The following USP2 variants were observed in gnomAD, a reference collection of about 807,000 sequenced individuals.
The protein encoded by USP2 is ubiquitin specific peptidase 2, also known as ubiquitin carboxyl-terminal hydrolase 2.
Under a neutral mutation model 72.0 loss-of-function variants are expected in USP2, and 33 were observed. The ratio of observed to expected loss-of-function variants is 0.46; its 90% CI spans 0.35 to 0.61. The LOEUF (loss-of-function observed/expected upper bound fraction) is 0.61, where lower values mean the gene tolerates loss of function less well. Ranked by LOEUF, USP2 falls within the 20% of genes least tolerant of loss-of-function variation. The probability of loss-of-function intolerance (pLI) is 0.01; values close to 1 mark genes in which losing one functional copy is unlikely to be tolerated. For missense variants in USP2, 691 were observed against 797.8 expected, an observed-to-expected ratio of 0.87 and a Z score of 1.61; for synonymous variants, 296 against 312.5, an observed-to-expected ratio of 0.95 and a Z score of 0.56.
chr11:119,381,603 C>T lies in USP2; in HGVS notation c.-172G>A. 1 of 1,502,072 alleles carries T rather than the reference C, an allele frequency of 6.7e-7. No individual in the cohort carries two copies. The highest frequency in any genetic ancestry group is 9.0e-7 in the Non-Finnish European group (1 of 1,116,782). The allele number at this position is 1,502,072 out of a possible 1,614,324, so 93.0% of individuals were successfully genotyped here. A position where few individuals can be genotyped will look rare whatever the true frequency, so the allele number is the denominator to read the frequency against. ...AGGGCTCCCCGGCCTCGGCTCCTGC[C>T]TGACTCTCTCCCACCTCCGCCGGGG... On this transcript the variant is annotated 5_prime_UTR_variant, in exon 1 of 13. Transcript: ENST00000260187.
chr11:119,362,357 G>C (rs1463038706), intron 2 of USP2, among the ~76,000 whole-genome samples: 1 of 152,160 alleles, frequency 6.6e-6, no homozygotes, highest in Non-Finnish European at 1.5e-5. Context: ...CTATTGGCCT[G>C]GGGGGTGGGG....
chr11:119,368,531 A>C (rs1950884951), intron 2 of USP2, among the ~76,000 whole-genome samples: 1 of 152,246 alleles, frequency 6.6e-6, no homozygotes, highest in African/African-American at 2.4e-5. Flanking sequence ...ACATGACCTC[A>C]GCTTATATAA....
intron 2 of USP2, among the ~76,000 whole-genome samples, chr11:119,371,722 A>C (rs1950929405): frequency 6.6e-6 from 1 of 152,138 alleles, no homozygotes. Flanking sequence ...GGGGTACATA[A>C]GGTAATGGAG....
intron 11 of USP2, 44 bp from the exon 12 acceptor site, chr11:119,357,351 C>G (rs200432983): frequency 5.6e-6 from 9 of 1,611,268 alleles, no homozygotes; most frequent in East Asian, 4.5e-5. Flanking sequence ...CCCCCTGCCC[C>G]GACTTCCCCC....
chr11:119,380,447 C>G (rs1029038752), intron 1 of USP2, among the ~76,000 whole-genome samples: 1 of 152,142 alleles, frequency 6.6e-6, no homozygotes, highest in Non-Finnish European at 1.5e-5. Context: ...GGTGGTTCCA[C>G]TCTACCTGTG....
At chr11:119,360,345 T>C (rs1565305372) in intron 2 of USP2, 111 bp from the exon 3 acceptor site, 1 of 1,066,020 alleles carries the variant, frequency 9.4e-7, no homozygotes. Flanking sequence ...AGGCCACACA[T>C]AATATTCTTT....
rs1193681973 is a variant in USP2 at position 119,381,491 on chromosome 11, T to C, written c.-60A>G. 6.5e-7 allele frequency: 1 copy of C among 1,536,048 alleles called. No individual in the cohort carries two copies. Among genetic ancestry groups the C allele is most frequent in the South Asian group, 1.2e-5 (1 of 84,066 alleles). ...CACGTACCTGCCTCTTCTTGGAGTA[T>C]GGACGAGTCGAACCGGGCACAAGCA... On this transcript the variant is annotated 5_prime_UTR_variant, in exon 1 of 13. Transcript: ENST00000260187.
At chr11:119,378,840 G>A (rs776308194) in intron 1 of USP2, among the ~76,000 whole-genome samples, 3 of 152,190 alleles carry the variant, frequency 2.0e-5, no homozygotes, top group Non-Finnish European at 4.4e-5. Flanking sequence ...CTCCTCTAGG[G>A]CGTCATCTTT....
chr11:119,379,380 G>C (rs916130254), intron 1 of USP2: 3,704 of 376,908 alleles, frequency 9.8e-3, no homozygotes, highest in Non-Finnish European at 0.012. Context: ...GGTGGGGGTG[G>C]AACTTGAGAC....
At chr11:119,379,016 G>C (rs1951032280) in intron 1 of USP2, 2 of 985,380 alleles carry the variant, frequency 2.0e-6, no homozygotes, top group African/African-American at 3.5e-5. Context: ...CCTGTGTCCA[G>C]GGGCACTGGA....
intron 1 of USP2, among the ~76,000 whole-genome samples, chr11:119,375,923 T>C (rs1162558632): frequency 2.0e-5 from 3 of 152,190 alleles, no homozygotes; most frequent in Non-Finnish European, 4.4e-5. Context: ...GCCACATCTC[T>C]GGCCCACAGA....
At chr11:119,371,944 G>A (rs1293371052) in intron 2 of USP2, among the ~76,000 whole-genome samples, 3 of 152,110 alleles carry the variant, frequency 2.0e-5, no homozygotes, top group African/African-American at 4.8e-5. Flanking sequence ...CACCTAATGG[G>A]CACACTAATA....
At position 119,355,486 on chromosome 11, in the gene USP2, T is replaced by C. The variant is rs1460269216; in HGVS notation, c.*1349A>G. ...TTACTCTCCAGGACAGCACAGAGTTTTATCCAACTATGTAGGGCAAAATTG... is the reference window on the plus strand; with the variant it reads ...TTACTCTCCAGGACAGCACAGAGTTCTATCCAACTATGTAGGGCAAAATTG... On this transcript the variant is annotated 3_prime_UTR_variant, in exon 13 of 13. Transcript: ENST00000260187. The C allele has an allele frequency of 1.3e-5, 2 of 152,210 alleles. No homozygotes were observed. The highest frequency in any genetic ancestry group is 2.9e-5 in the Non-Finnish European group (2 of 68,062). 9.4% of individuals were successfully genotyped at this position (152,210 alleles called of 1,614,324 possible). A position where few individuals can be genotyped will look rare whatever the true frequency, so the allele number is the denominator to read the frequency against.
intron 3 of USP2, 126 bp from the exon 4 acceptor site, chr11:119,359,786 C>T: frequency 7.6e-6 from 10 of 1,322,184 alleles, no homozygotes; most frequent in Admixed American, 2.3e-5. Flanking sequence ...CCTTTCATAG[C>T]CTCAAGTTCC....
chr11:119,374,669 G>A (rs780506706), intron 1 of USP2, among the ~76,000 whole-genome samples: 22 of 152,126 alleles, frequency 1.4e-4, no homozygotes, highest in African/African-American at 5.3e-4. Flanking sequence ...CACCGTAAAC[G>A]TGCAGCCTGT....
chr11:119,356,875 A>T lies in USP2; in HGVS notation c.1778T>A (p.Leu593Gln). 6.4e-7 allele frequency: 1 copy of T among 1,565,840 alleles called. No homozygotes were observed. Among genetic ancestry groups the T allele is most frequent in the Non-Finnish European group, 8.7e-7 (1 of 1,155,602 alleles). ...SSQVRTSDAY[L>Q]LFYELASPPS... is the part of the protein sequence containing the mutation. ...CGGGCTGGCCAGTTCGTAGAAGAGC[A>T]GGTAGGCGTCGCTGGTGCGCACTTG... Residue 593 changes from leucine to glutamine, a missense_variant, in exon 13 of 13, where the codon CTG (leucine) becomes CAG (glutamine). Transcript: ENST00000260187.
rs781587274 is a variant in USP2 at position 119,373,448 on chromosome 11, G to A, written c.33C>T (p.Tyr11=). 1.9e-6 allele frequency: 3 copies of A among 1,596,888 alleles called. No homozygotes were observed. Among genetic ancestry groups the A allele is most frequent in the Admixed American group, 3.3e-5 (2 of 59,840 alleles). Residue 11 remains tyrosine (Y), a synonymous_variant, in exon 2 of 13, where the codon TAC becomes TAT. Transcript: ENST00000260187. ...CATCTGTGTAGCGGGCCGATTCTGT[G>A]TAGCGCTTCAGGGTGGAGGAGAGCT... is the stretch of plus-strand genomic sequence containing the variant. MSQLSSTLKR[Y]TESARYTDAH... is the part of the protein sequence containing the mutation.
chr11:119,371,976 G>A (rs560247011), intron 2 of USP2, among the ~76,000 whole-genome samples: 4 of 152,230 alleles, frequency 2.6e-5, no homozygotes, highest in South Asian at 2.1e-4. Context: ...GGCAGATGTC[G>A]TCAGTGCCCC....
intron 7 of USP2, 26 bp downstream of exon 7, chr11:119,358,747 A>G (rs200511422): frequency 2.6e-4 from 415 of 1,613,362 alleles, no homozygotes; most frequent in Admixed American, 8.0e-4. Context: ...CAGTGAAAAC[A>G]GGCATCTTCC....
Sources: gnomAD v4.1 joint callset for allele counts (sites outside exome capture counted in the v4.1 genomes callset) on GRCh38, gnomAD v4.1.1 for gene constraint, MANE v1.5 for transcripts, NCBI Gene and HGNC (gene_info 2026-07-23, HGNC 2026-07-21) for gene names.